Variants in COL5A2 observed in about 807,000 individuals in gnomAD.
The protein encoded by COL5A2 is collagen type V alpha 2 chain, also known as collagen alpha-2(V) chain.
COL5A2 carries 23 observed loss-of-function variants against 208.2 expected under a neutral mutation model. The ratio of observed to expected loss-of-function variants is 0.11; its 90% CI spans 0.08 to 0.16. The LOEUF is 0.16. Among genes scored for constraint, COL5A2 ranks in the 10% least tolerant of loss-of-function variants. The probability of loss-of-function intolerance (pLI) is 1.00; values close to 1 mark genes in which losing one functional copy is unlikely to be tolerated. For synonymous variants in COL5A2, 625 were observed against 628.5 expected (o/e 0.99, Z 0.08); for missense variants, 1,590 against 1,956.4 (o/e 0.81, Z 3.53).
chr2:189,095,616 A>G (rs1686892825), intron 6 of COL5A2, among the ~76,000 whole-genome samples: 1 of 152,166 alleles, frequency 6.6e-6, no homozygotes, highest in South Asian at 2.1e-4. Flanking sequence ...TCAAATAGGG[A>G]AAATAAGTGA....
chr2:189,368,452 A>G, the COL5A2 span, among the ~76,000 whole-genome samples: 10 of 152,322 alleles, frequency 6.6e-5, no homozygotes, highest in African/African-American at 2.2e-4. Flanking sequence ...AAGGGGGAAA[A>G]AAAAACACTA....
At chr2:189,431,486 T>C in the COL5A2 span, among the ~76,000 whole-genome samples, 3 of 152,216 alleles carry the variant, frequency 2.0e-5, no homozygotes, top group African/African-American at 7.2e-5. Flanking sequence ...ATAAACAATG[T>C]AGAGAAGACC....
the COL5A2 span, among the ~76,000 whole-genome samples, chr2:189,388,082 G>C: frequency 6.6e-6 from 1 of 152,142 alleles, no homozygotes; most frequent in South Asian, 2.1e-4. Flanking sequence ...ACTAAGCCCA[G>C]CCTGTTAGAG....
chr2:189,389,254 ATCAG>A, the COL5A2 span, among the ~76,000 whole-genome samples: 1 of 152,190 alleles, frequency 6.6e-6, no homozygotes, highest in Non-Finnish European at 1.5e-5. Context: ...ATAAGTCTCT[ATCAG>A]TCAGCACTTC....
chr2:189,284,286 T>C, the COL5A2 span, among the ~76,000 whole-genome samples: 1 of 152,166 alleles, frequency 6.6e-6, no homozygotes, highest in Non-Finnish European at 1.5e-5. Context: ...CAAACTCAAG[T>C]ATATTAGTCC....
At chr2:189,185,180 C>T (rs938580692) in intron 1 of COL5A2, among the ~76,000 whole-genome samples, 6 of 152,054 alleles carry the variant, frequency 3.9e-5, no homozygotes, top group Non-Finnish European at 5.9e-5. Flanking sequence ...CGCACCACTA[C>T]GCCTGGCTAA....
chr2:189,199,617 C>G (rs1390538595), intron 1 of COL5A2, among the ~76,000 whole-genome samples: 1 of 152,140 alleles, frequency 6.6e-6, no homozygotes, highest in Admixed American at 6.6e-5. Flanking sequence ...GAATCTAGAA[C>G]AGCCACAAAG....
At chr2:189,052,422 T>G (rs1021339717) in intron 40 of COL5A2, among the ~76,000 whole-genome samples, 197 bp from the exon 41 acceptor site, 1 of 152,216 alleles carries the variant, frequency 6.6e-6, no homozygotes, top group Non-Finnish European at 1.5e-5. Context: ...GGCACTATTT[T>G]CCTTTTTCCA....
rs1576495854 is a variant in COL5A2, at chr2:189,053,407, A to G, written c.2553+17T>C. The G allele has an allele frequency of 6.2e-7, 1 of 1,605,918 alleles. No individual in the cohort carries two copies. The highest frequency in any genetic ancestry group is 2.2e-5 in the East Asian group (1 of 44,770). Reference sequence around the variant, plus strand: ...ATAAGTGTTTATTTGTAAATTAGGGATATTTGAAAATTATACCTGGGGTCC... The same window carrying G: ...ATAAGTGTTTATTTGTAAATTAGGGGTATTTGAAAATTATACCTGGGGTCC... On this transcript the variant is annotated intron_variant, in intron 38 of 53. Transcript: ENST00000374866.
chr2:189,046,420 C>T (rs541615850), intron 45 of COL5A2, among the ~76,000 whole-genome samples: 38 of 152,174 alleles, frequency 2.5e-4, no homozygotes, highest in Non-Finnish European at 8.8e-5. Context: ...GAAATCATAC[C>T]ATCTGCAATC....
chr2:189,325,110 G>C, the COL5A2 span, among the ~76,000 whole-genome samples: 1 of 152,060 alleles, frequency 6.6e-6, no homozygotes, highest in African/African-American at 2.4e-5. Flanking sequence ...AGGTGGGAAT[G>C]GAACAATGAG....
At position 189,036,603 on chromosome 2, in the gene COL5A2, C is replaced by T. The variant is rs1286713172; in HGVS notation, c.4113+13G>A. Reference sequence around the variant, plus strand: ...AGTAAAGAATACAATTTTAAGTAAACATATTAAATTACCTGAGACCCTCTG... The same window carrying T: ...AGTAAAGAATACAATTTTAAGTAAATATATTAAATTACCTGAGACCCTCTG... On this transcript the variant is annotated intron_variant, in intron 52 of 53. Transcript: ENST00000374866. 3.1e-6 allele frequency: 5 copies of T among 1,592,920 alleles called. No homozygotes were observed. Among genetic ancestry groups the T allele is most frequent in the East Asian group, 2.2e-5 (1 of 44,666 alleles).
chr2:189,149,502 C>G (rs1178301326), intron 1 of COL5A2, among the ~76,000 whole-genome samples: 1 of 152,090 alleles, frequency 6.6e-6, no homozygotes, highest in African/African-American at 2.4e-5. Flanking sequence ...CTTAAATAGT[C>G]ACATGGAATG....
At chr2:189,151,547 C>G (rs1391408320) in intron 1 of COL5A2, among the ~76,000 whole-genome samples, 1 of 152,066 alleles carries the variant, frequency 6.6e-6, no homozygotes, top group Non-Finnish European at 1.5e-5. Context: ...CAAATAAACA[C>G]CTGACATTTA....
the COL5A2 span, among the ~76,000 whole-genome samples, chr2:189,433,993 T>C: frequency 1.3e-5 from 2 of 152,332 alleles, no homozygotes; most frequent in Non-Finnish European, 2.9e-5. Context: ...CATGATCAAG[T>C]TGGCTTCATC....
chr2:189,189,273 A>G (rs933481033), intron 1 of COL5A2, among the ~76,000 whole-genome samples: 6 of 152,178 alleles, frequency 3.9e-5, no homozygotes, highest in Admixed American at 2.6e-4. Context: ...CAAATGGGAG[A>G]CGGCCAGCAG....
chr2:189,189,987 T>C (rs577285408), intron 1 of COL5A2, among the ~76,000 whole-genome samples: 8 of 152,222 alleles, frequency 5.3e-5, no homozygotes, highest in African/African-American at 1.7e-4. Context: ...AAAAAGTTGG[T>C]GAAAGAGCAA....
intron 1 of COL5A2, among the ~76,000 whole-genome samples, chr2:189,217,698 A>G (rs1379205094): frequency 6.6e-6 from 1 of 152,182 alleles, no homozygotes; most frequent in African/African-American, 2.4e-5. Context: ...TTGCAATGTC[A>G]TTAGTGTAGC....
At chr2:189,365,418 C>G in the COL5A2 span, among the ~76,000 whole-genome samples, 1 of 152,200 alleles carries the variant, frequency 6.6e-6, no homozygotes, top group East Asian at 1.9e-4. Context: ...CCTGGATTGT[C>G]TTCCTAAATC....
Sources: allele counts gnomAD v4.1 joint callset (sites outside exome capture counted in the v4.1 genomes callset), GRCh38; gene constraint gnomAD v4.1.1; transcripts MANE v1.5; gene names NCBI Gene and HGNC (gene_info 2026-07-23, HGNC 2026-07-21).